GLIS3: variants seen among roughly 807,000 people sequenced by gnomAD.
The protein encoded by GLIS3 is GLIS family zinc finger 3.
A neutral mutation model predicts 78.6 loss-of-function variants in GLIS3; 53 were observed. The observed-to-expected ratio is 0.67, with a 90% CI of 0.54 to 0.85. The LOEUF (loss-of-function observed/expected upper bound fraction) is 0.85. Ranked by LOEUF, GLIS3 falls within the 40% of genes least tolerant of loss-of-function variation. The pLI is 0.00. For missense variants in GLIS3, 1,703 were observed against 1,231.1 expected, an observed-to-expected ratio of 1.38 and a Z score of -5.74; for synonymous variants, 684 against 509.9, an observed-to-expected ratio of 1.34 and a Z score of -4.60.
chr9:4,024,686 G>A (rs1394618113), intron 4 of GLIS3, among the ~76,000 whole-genome samples: 1 of 152,164 alleles, frequency 6.6e-6, no homozygotes, highest in South Asian at 2.1e-4. Flanking sequence ...CGATTCACAG[G>A]GCAAAGACAG....
Position 4,326,418 on chromosome 9 carries a change from T to G in GLIS3, n.265-15890A>C, listed in dbSNP as rs181480167. ...GGACACATGCTACAACATGGACACA[T>G]CTCGAAAACATTATGCTAAGTGAAA... On this transcript the variant is annotated intron_variant and non_coding_transcript_variant, in intron 2 of 4. Coordinates refer to the GLIS3 transcript ENST00000471664. Among the ~76,000 whole-genome samples the G allele has an allele frequency of 3.0e-3, 454 of 152,218 alleles. 1 individual carries two copies. The highest frequency in any genetic ancestry group is 4.2e-3 in the Non-Finnish European group (287 of 68,020).
the GLIS3 span, among the ~76,000 whole-genome samples, chr9:4,390,902 T>TA: frequency 6.6e-6 from 1 of 152,190 alleles, no homozygotes; most frequent in Non-Finnish European, 1.5e-5. Context: ...CGTACCTTTT[T>TA]AAAAAAGTTA....
intron 7 of GLIS3, among the ~76,000 whole-genome samples, chr9:3,880,589 A>AT (rs1306410645): frequency 2.6e-5 from 4 of 152,208 alleles, no homozygotes; most frequent in Non-Finnish European, 4.4e-5. Context: ...GAATAAATGG[A>AT]TTTTTTAAAA....
intron 4 of GLIS3, among the ~76,000 whole-genome samples, chr9:4,046,748 G>A (rs1183033779): frequency 6.6e-6 from 1 of 152,160 alleles, no homozygotes; most frequent in Non-Finnish European, 1.5e-5. Flanking sequence ...ACTCTAAATT[G>A]TATTATATGA....
chr9:4,408,323 T>C, the GLIS3 span, among the ~76,000 whole-genome samples: 1 of 151,932 alleles, frequency 6.6e-6, no homozygotes, highest in African/African-American at 2.4e-5. Flanking sequence ...CCCATGTTTG[T>C]TGCAGCACTG....
the GLIS3 span, among the ~76,000 whole-genome samples, chr9:4,447,332 G>C: frequency 2.0e-5 from 3 of 151,750 alleles, no homozygotes; most frequent in African/African-American, 7.3e-5. Context: ...ATCCATTTGT[G>C]AGCTACCATG....
chr9:4,061,825 C>T (rs950009737), intron 4 of GLIS3, among the ~76,000 whole-genome samples: 1 of 152,192 alleles, frequency 6.6e-6, no homozygotes, highest in African/African-American at 2.4e-5. Context: ...TGCAAGAATG[C>T]CACAAGTGAG....
chr9:3,855,737 C>G, intron 9 of GLIS3: 2 of 443,252 alleles, frequency 4.5e-6, no homozygotes, highest in Non-Finnish European at 8.4e-6. Context: ...AAACAGGATG[C>G]TATTGCTGGT....
chr9:4,407,955 A>C, the GLIS3 span, among the ~76,000 whole-genome samples: 1 of 152,234 alleles, frequency 6.6e-6, no homozygotes, highest in Non-Finnish European at 1.5e-5. Flanking sequence ...AAAATGGGCA[A>C]AGATCTGAAA....
the GLIS3 span, among the ~76,000 whole-genome samples, chr9:4,482,653 C>A: frequency 2.0e-5 from 3 of 152,204 alleles, no homozygotes; most frequent in Non-Finnish European, 4.4e-5. Context: ...TGATGTCTTA[C>A]TTTTTGTTTC....
chr9:4,292,675 A>G (rs1260999368), intron 1 of GLIS3, among the ~76,000 whole-genome samples: 2 of 152,214 alleles, frequency 1.3e-5, no homozygotes, highest in Non-Finnish European at 2.9e-5. Context: ...GTGCTCAATA[A>G]GTAATAACTG....
chr9:4,082,284 T>C lies in GLIS3; in HGVS notation c.1710+35484A>G, dbSNP rs73392534. Among the ~76,000 whole-genome samples the C allele has an allele frequency of 3.5e-3, 535 of 152,326 alleles. 2 individuals carry two copies. The highest frequency in any genetic ancestry group is 0.012 in the African/African-American group (519 of 41,574). ...CTATGTGTGGTAGAAGAAAAACTTCTACATCCTTACCAAGATTCAGGCATA... is the reference window on the plus strand; with the variant it reads ...CTATGTGTGGTAGAAGAAAAACTTCCACATCCTTACCAAGATTCAGGCATA... On this transcript the variant is annotated intron_variant, in intron 4 of 10. Coordinates refer to ENST00000381971, the MANE Select transcript of GLIS3 (RefSeq NM_001042413.2).
intron 4 of GLIS3, among the ~76,000 whole-genome samples, chr9:4,109,981 A>G (rs1446987055): frequency 6.6e-6 from 1 of 152,136 alleles, no homozygotes; most frequent in Non-Finnish European, 1.5e-5. Flanking sequence ...TTTTCCCATT[A>G]AAAGTTTGCA....
chr9:4,367,036 G>T, the GLIS3 span, among the ~76,000 whole-genome samples: 1 of 152,178 alleles, frequency 6.6e-6, no homozygotes, highest in Non-Finnish European at 1.5e-5. Context: ...CAGCCTATTT[G>T]AATAGCAGCC....
chr9:4,116,219 T>A (rs1254426652), intron 4 of GLIS3, among the ~76,000 whole-genome samples: 1 of 152,240 alleles, frequency 6.6e-6, no homozygotes, highest in East Asian at 1.9e-4. Flanking sequence ...CCAGGATTAG[T>A]CAGAACTAAA....
At chr9:4,407,106 A>T in the GLIS3 span, among the ~76,000 whole-genome samples, 1 of 152,218 alleles carries the variant, frequency 6.6e-6, no homozygotes, top group African/African-American at 2.4e-5. Context: ...ACATAGACCA[A>T]TGGAACAGAA....
chr9:4,174,378 A>G (rs16920859), intron 2 of GLIS3, among the ~76,000 whole-genome samples: 2 of 152,216 alleles, frequency 1.3e-5, no homozygotes, highest in Non-Finnish European at 2.9e-5. Context: ...CCGATTTTTT[A>G]AAAAAGTTCC....
the GLIS3 span, among the ~76,000 whole-genome samples, chr9:4,395,946 G>C: frequency 1.3e-5 from 2 of 150,504 alleles, no homozygotes; most frequent in African/African-American, 4.9e-5. Context: ...GCTAATTTTT[G>C]TATTTTTAGT....
At chr9:4,366,585 T>TC in the GLIS3 span, among the ~76,000 whole-genome samples, 1 of 152,192 alleles carries the variant, frequency 6.6e-6, no homozygotes, top group African/African-American at 2.4e-5. Context: ...CCATGAACCT[T>TC]CCTTCACATT....
Sources: gnomAD v4.1 joint callset for allele counts (sites outside exome capture counted in the v4.1 genomes callset) on GRCh38, gnomAD v4.1.1 for gene constraint, MANE v1.5 for transcripts, NCBI Gene and HGNC (gene_info 2026-07-23, HGNC 2026-07-21) for gene names.